Variants in ZFAT observed in about 807,000 individuals in gnomAD.
The protein encoded by ZFAT is zinc finger protein ZFAT.
A neutral mutation model predicts 117.7 loss-of-function variants in ZFAT; 64 were observed. The ratio of observed to expected loss-of-function variants is 0.54; its 90% CI spans 0.44 to 0.67. The LOEUF (loss-of-function observed/expected upper bound fraction) is 0.67. Among genes scored for constraint, ZFAT ranks in the 30% least tolerant of loss-of-function variants. ZFAT has a pLI of 0.00. For missense variants in ZFAT, 1,433 were observed against 1,584.5 expected (o/e 0.90, Z 1.62); for synonymous variants, 679 against 615.0 (o/e 1.10, Z -1.54).
intron 3 of ZFAT, among the ~76,000 whole-genome samples, chr8:134,619,791 G>A (rs1828988256): frequency 6.6e-6 from 1 of 152,204 alleles, no homozygotes; most frequent in East Asian, 1.9e-4. Flanking sequence ...TGGTGAGGCA[G>A]GACTGCTCCC....
chr8:134,688,690 C>G (rs558065539), intron 1 of ZFAT, among the ~76,000 whole-genome samples: 18 of 152,294 alleles, frequency 1.2e-4, no homozygotes, highest in African/African-American at 4.3e-4. Flanking sequence ...AGACAACACT[C>G]GTTCAGGGTC....
At chr8:134,626,795 C>T (rs926534903) in intron 3 of ZFAT, among the ~76,000 whole-genome samples, 2 of 152,254 alleles carry the variant, frequency 1.3e-5, no homozygotes, top group African/African-American at 4.8e-5. Context: ...CTAAACAACT[C>T]TGATAATGTA....
intron 1 of ZFAT, among the ~76,000 whole-genome samples, chr8:134,695,970 G>A (rs1012256318): frequency 1.4e-5 from 2 of 146,968 alleles, no homozygotes; most frequent in Non-Finnish European, 3.0e-5. Context: ...GAGCCCATCC[G>A]CAGGCCCAAG....
intron 11 of ZFAT, among the ~76,000 whole-genome samples, chr8:134,553,612 C>A (rs1315679879): frequency 2.0e-5 from 3 of 152,142 alleles, no homozygotes; most frequent in Non-Finnish European, 4.4e-5. Context: ...CACCAAGAAT[C>A]TTAAACAAAG....
the ZFAT span, among the ~76,000 whole-genome samples, chr8:134,757,932 G>A: frequency 6.6e-6 from 1 of 152,126 alleles, no homozygotes; most frequent in Admixed American, 6.5e-5. Context: ...AACAGAGATC[G>A]ATTTCTTCAA....
chr8:134,744,660 CT>C, the ZFAT span, among the ~76,000 whole-genome samples: 1 of 151,212 alleles, frequency 6.6e-6, no homozygotes, highest in East Asian at 2.0e-4. Flanking sequence ...AAGCAGTTTA[CT>C]TCTTCAAAGT....
the ZFAT span, among the ~76,000 whole-genome samples, chr8:134,760,084 C>T: frequency 4.0e-5 from 6 of 150,344 alleles, no homozygotes; most frequent in Non-Finnish European, 8.9e-5. Flanking sequence ...ATTGAGACCA[C>T]GGTGAAACCC....
chr8:134,812,864 CT>C, the ZFAT span, among the ~76,000 whole-genome samples: 1 of 152,168 alleles, frequency 6.6e-6, no homozygotes. Context: ...CATAACAACA[CT>C]ATTAGGTAGG....
chr8:134,505,646 T>C (rs1156504341), intron 15 of ZFAT, among the ~76,000 whole-genome samples: 2 of 152,118 alleles, frequency 1.3e-5, no homozygotes, highest in Non-Finnish European at 2.9e-5. Context: ...ATGTCAGACC[T>C]TAGCCTGCCG....
chr8:134,794,164 A>C, the ZFAT span: 2 of 152,246 alleles, frequency 1.3e-5, no homozygotes, highest in African/African-American at 2.4e-5. Context: ...CCAACTTACC[A>C]AAGAATGAGG....
At chr8:134,580,403 T>C (rs17696204) in intron 10 of ZFAT, among the ~76,000 whole-genome samples, 5,406 of 152,304 alleles carry the variant, frequency 0.035, 157 homozygotes, top group Non-Finnish European at 0.053. Context: ...GCTGAGAGCC[T>C]CATCAAGACA....
chr8:134,573,060 A>T (rs1353322585), intron 10 of ZFAT, among the ~76,000 whole-genome samples: 1 of 152,250 alleles, frequency 6.6e-6, no homozygotes, highest in Non-Finnish European at 1.5e-5. Context: ...ATGCTGCTAG[A>T]AGTCAGGGCA....
At chr8:134,613,189 G>C (rs886881637) in intron 3 of ZFAT, among the ~76,000 whole-genome samples, 1 of 152,060 alleles carries the variant, frequency 6.6e-6, no homozygotes, top group Non-Finnish European at 1.5e-5. Context: ...GATATGCCAG[G>C]AACAGATTTG....
intron 1 of ZFAT, among the ~76,000 whole-genome samples, chr8:134,675,602 G>C (rs771100247): frequency 5.3e-5 from 8 of 152,116 alleles, no homozygotes; most frequent in Non-Finnish European, 7.3e-5. Flanking sequence ...GAAATGCAGA[G>C]AACACCCTAA....
chr8:134,620,816 T>G (rs1829059937), intron 3 of ZFAT, among the ~76,000 whole-genome samples: 1 of 152,160 alleles, frequency 6.6e-6, no homozygotes, highest in Non-Finnish European at 1.5e-5. Context: ...AAAGAACAGC[T>G]GACAAGCAGA....
chr8:134,726,855 G>A, the ZFAT span, among the ~76,000 whole-genome samples: 5 of 151,786 alleles, frequency 3.3e-5, no homozygotes, highest in Admixed American at 6.6e-5. Context: ...GCAATCCACC[G>A]CCTCCCAAAA....
intron 15 of ZFAT, among the ~76,000 whole-genome samples, chr8:134,505,519 G>A (rs187511182): frequency 6.6e-6 from 1 of 152,296 alleles, no homozygotes; most frequent in East Asian, 1.9e-4. Context: ...GCCATCCCAG[G>A]TGGACAGTCC....
chr8:134,566,871 G>A (rs1191597290), intron 10 of ZFAT, among the ~76,000 whole-genome samples: 2 of 152,152 alleles, frequency 1.3e-5, no homozygotes, highest in East Asian at 3.8e-4. Context: ...CTTTGACTCT[G>A]CAACAATACC....
At chr8:134,676,515 C>A (rs36179259) in intron 1 of ZFAT, among the ~76,000 whole-genome samples, 20,511 of 152,162 alleles carry the variant, frequency 0.13, 1,485 homozygotes, top group Non-Finnish European at 0.16. Context: ...TAACACCTCA[C>A]TGTCAATATT....
Sources: gnomAD v4.1 joint callset for allele counts (sites outside exome capture counted in the v4.1 genomes callset) on GRCh38, gnomAD v4.1.1 for gene constraint, MANE v1.5 for transcripts, NCBI Gene and HGNC (gene_info 2026-07-23, HGNC 2026-07-21) for gene names.